The following CCDC60 variants were observed in gnomAD, a reference collection of about 807,000 sequenced individuals.
CCDC60 encodes coiled-coil domain-containing protein 60.
A neutral mutation model predicts 63.5 loss-of-function variants in CCDC60; 54 were observed. The observed-to-expected ratio is 0.85, with a 90% CI of 0.68 to 1.07. The LOEUF is 1.07. Ranked by LOEUF, CCDC60 falls within the 50% of genes least tolerant of loss-of-function variation. The pLI is 0.00. For synonymous variants in CCDC60, 206 were observed against 238.8 expected (o/e 0.86, Z 1.27); for missense variants, 651 against 684.3 (o/e 0.95, Z 0.54).
intron 1 of CCDC60, among the ~76,000 whole-genome samples, chr12:119,359,015 CCAAA>C (rs1342892340): frequency 6.6e-6 from 1 of 152,156 alleles, no homozygotes; most frequent in Admixed American, 6.5e-5. Flanking sequence ...TTATATGCTG[CCAAA>C]CAGTTATCCA....
chr12:119,347,974 A>G (rs1955615042), intron 1 of CCDC60, among the ~76,000 whole-genome samples: 1 of 152,212 alleles, frequency 6.6e-6, no homozygotes, highest in South Asian at 2.1e-4. Context: ...TCTTATGCTG[A>G]TCATTTTTAT....
At position 119,530,896 on chromosome 12, in the gene CCDC60, C is replaced by A; in HGVS notation, c.1384C>A (p.Leu462Met). 6.2e-7 allele frequency: 1 copy of A among 1,613,956 alleles called. No individual in the cohort carries two copies. The highest frequency in any genetic ancestry group is 1.1e-5 in the South Asian group (1 of 91,040). The change falls in exon 13 of 14, where the codon CTG becomes ATG. Residue 462 changes from leucine to methionine, a missense_variant. Leu to Met is a conservative substitution (Grantham distance 15). Coordinates refer to ENST00000327554, the MANE Select transcript of CCDC60 (RefSeq NM_178499.5). ...AAGGTACTTTGATCTGTTGTCCAAA[C>A]TGCCAGAGGATCTAAAGAACTTCCG... ...DHWYFDLLSK[L>M]PEDLKNFRPA...
chr12:119,466,039 G>A (rs1320417030), intron 2 of CCDC60, among the ~76,000 whole-genome samples: 1 of 152,172 alleles, frequency 6.6e-6, no homozygotes. Flanking sequence ...TACTTGCTCA[G>A]AGCCTTTGCA....
intron 13 of CCDC60, among the ~76,000 whole-genome samples, chr12:119,532,451 G>C (rs1952877328): frequency 7.2e-6 from 1 of 139,184 alleles, no homozygotes; most frequent in Non-Finnish European, 1.6e-5. Context: ...TTTAAGTTCT[G>C]GGATACATGT....
chr12:119,419,311 G>T (rs1489411277), intron 1 of CCDC60, among the ~76,000 whole-genome samples: 2 of 152,178 alleles, frequency 1.3e-5, no homozygotes, highest in Admixed American at 6.5e-5. Context: ...TTTGTAAAAT[G>T]ACCTTCACTT....
intron 2 of CCDC60, among the ~76,000 whole-genome samples, chr12:119,452,534 A>G (rs1566017458): frequency 6.6e-6 from 1 of 152,168 alleles, no homozygotes; most frequent in Admixed American, 6.5e-5. Flanking sequence ...TTTCCACACA[A>G]TGAAATGAGG....
At chr12:119,479,991 A>G (rs1450570863) in intron 4 of CCDC60, among the ~76,000 whole-genome samples, 5 of 114,144 alleles carry the variant, frequency 4.4e-5, no homozygotes, top group Non-Finnish European at 9.1e-5. Flanking sequence ...CCCACCGTAC[A>G]TCATACACAC....
At chr12:119,408,621 A>C (rs1410826432) in intron 1 of CCDC60, among the ~76,000 whole-genome samples, 2 of 152,200 alleles carry the variant, frequency 1.3e-5, no homozygotes, top group Admixed American at 1.3e-4. Flanking sequence ...CAGGAGATCG[A>C]AACCATCCTG....
At chr12:119,373,667 T>TGGGGGGGGG (rs57046909) in intron 1 of CCDC60, among the ~76,000 whole-genome samples, 1 of 54,086 alleles carries the variant, frequency 1.8e-5, no homozygotes, top group Non-Finnish European at 4.6e-5. Context: ...CGGGGTGGGG[T>TGGGGGGGGG]GGGGGGGGGT....
chr12:119,524,716 C>CTTTTTTTT lies in CCDC60; in HGVS notation c.1229+902_1229+903insTTTTTTTT, dbSNP rs1416953138. 6.6e-3 allele frequency among the ~76,000 whole-genome samples: 599 copies of CTTTTTTTT among 90,178 alleles called. 23 individuals carry two copies. Among genetic ancestry groups the CTTTTTTTT allele is most frequent in the African/African-American group, 0.021 (390 of 18,582 alleles). The allele number at this position is 90,178 out of a possible 152,430, so 59.2% of individuals were successfully genotyped here. ...AGGAAACAGCAGTTTCTTTTCTTTT[C>CTTTTTTTT]TTTTCTTTTTTTTTTTTTTTTTTTG... On this transcript the variant is annotated intron_variant, in intron 11 of 13. Transcript: ENST00000327554.
At chr12:119,401,738 T>C (rs1325572446) in intron 1 of CCDC60, among the ~76,000 whole-genome samples, 1 of 152,234 alleles carries the variant, frequency 6.6e-6, no homozygotes, top group Non-Finnish European at 1.5e-5. Flanking sequence ...TATTCAACCA[T>C]CACATTTCTC....
chr12:119,466,823 T>C (rs1950962249), intron 2 of CCDC60, among the ~76,000 whole-genome samples: 1 of 152,166 alleles, frequency 6.6e-6, no homozygotes, highest in Non-Finnish European at 1.5e-5. Context: ...GTGCATTGTG[T>C]TGAGGTAGGA....
chr12:119,526,389 C>T (rs1952677484), intron 11 of CCDC60, among the ~76,000 whole-genome samples: 1 of 152,140 alleles, frequency 6.6e-6, no homozygotes, highest in Non-Finnish European at 1.5e-5. Context: ...AAAGCAATTG[C>T]AACAAAAGCA....
intron 1 of CCDC60, among the ~76,000 whole-genome samples, chr12:119,339,057 A>G (rs963491788): frequency 3.3e-5 from 5 of 152,004 alleles, no homozygotes; most frequent in African/African-American, 9.7e-5. Context: ...CCTCTGTTTG[A>G]AAGTCTTTTG....
chr12:119,375,338 C>T (rs1955940609), intron 1 of CCDC60, among the ~76,000 whole-genome samples: 2 of 152,168 alleles, frequency 1.3e-5, no homozygotes. Context: ...TGTAAATATT[C>T]CCACTGTGGC....
At chr12:119,494,094 T>C (rs967261604) in intron 5 of CCDC60, among the ~76,000 whole-genome samples, 3 of 152,238 alleles carry the variant, frequency 2.0e-5, no homozygotes, top group Non-Finnish European at 4.4e-5. Context: ...GATTTTGGAA[T>C]TGGTTAAGTG....
chr12:119,364,924 T>C (rs1012627613), intron 1 of CCDC60, among the ~76,000 whole-genome samples: 2 of 152,028 alleles, frequency 1.3e-5, no homozygotes, highest in African/African-American at 4.8e-5. Context: ...GAGTGAATGA[T>C]GTGAAGATGG....
intron 3 of CCDC60, among the ~76,000 whole-genome samples, chr12:119,478,743 G>A (rs1169310577): frequency 6.6e-6 from 1 of 151,802 alleles, no homozygotes; most frequent in Non-Finnish European, 1.5e-5. Context: ...GAGTAGCTGG[G>A]ACTACAGGCA....
chr12:119,513,460 T>C (rs1952267311), intron 7 of CCDC60, among the ~76,000 whole-genome samples: 1 of 152,326 alleles, frequency 6.6e-6, no homozygotes, highest in Middle Eastern at 3.4e-3. Context: ...TGGCAATCCT[T>C]GGCATTCCTT....
Sources: allele counts gnomAD v4.1 joint callset (sites outside exome capture counted in the v4.1 genomes callset), GRCh38; gene constraint gnomAD v4.1.1; transcripts MANE v1.5; gene names NCBI Gene and HGNC (gene_info 2026-07-23, HGNC 2026-07-21).